The following IL12RB1 variants were observed in gnomAD, a reference collection of about 807,000 sequenced individuals.
IL12RB1 encodes the protein interleukin 12 receptor subunit beta 1, also known as interleukin-12 receptor subunit beta-1.
Under a neutral mutation model 94.4 loss-of-function variants are expected in IL12RB1, and 64 were observed. That is an observed-to-expected ratio of 0.68 (90% CI 0.55 to 0.83). IL12RB1 has a LOEUF of 0.83. Among genes scored for constraint, IL12RB1 ranks in the 40% least tolerant of loss-of-function variants. The pLI, the probability that IL12RB1 is intolerant of heterozygous loss-of-function variation, is 0.00. For synonymous variants in IL12RB1, 362 were observed against 355.5 expected (o/e 1.02, Z -0.21); for missense variants, 814 against 855.6 (o/e 0.95, Z 0.61).
Position 18,077,525 on chromosome 19 carries a change from T to G in IL12RB1, c.540A>C (p.Pro180=). ...TGGGAAACAAACTCACCAACTTCCATGGGCTGCTGGGTGTCCGGTGCCGGA... is the reference window on the plus strand; with the variant it reads ...TGGGAAACAAACTCACCAACTTCCAGGGGCTGCTGGGTGTCCGGTGCCGGA... ...VQFRHRTPSS[P]WKLGDCGPQD... Residue 180 remains proline (P), a synonymous_variant, in exon 5 of 17, where the codon CCA becomes CCC. Coordinates refer to ENST00000593993, the MANE Select transcript of IL12RB1 (RefSeq NM_005535.3). The G allele has an allele frequency of 6.2e-7, 1 of 1,610,716 alleles. No homozygotes were observed. The highest frequency in any genetic ancestry group is 8.5e-7 in the Non-Finnish European group (1 of 1,178,236).
At chr19:18,066,835 T>G in intron 11 of IL12RB1, 138 bp from the exon 12 acceptor site, 1 of 656,362 alleles carries the variant, frequency 1.5e-6, no homozygotes, top group Non-Finnish European at 2.7e-6. Context: ...AAGACCAGCC[T>G]GGCCAACATG....
At chr19:18,092,112 A>T (rs1318235229) in intron 1 of IL12RB1, among the ~76,000 whole-genome samples, 1 of 150,384 alleles carries the variant, frequency 6.6e-6, no homozygotes, top group African/African-American at 2.4e-5. Flanking sequence ...CCTGACCTTA[A>T]GTGATCTGCT....
intron 13 of IL12RB1, among the ~76,000 whole-genome samples, chr19:18,062,772 C>T (rs1436402016): frequency 1.3e-5 from 2 of 151,724 alleles, no homozygotes; most frequent in African/African-American, 2.4e-5. Flanking sequence ...AAATCTGTCT[C>T]AAAAAGATAA....
At chr19:18,077,827 A>T (rs2035599922) in intron 4 of IL12RB1, among the ~76,000 whole-genome samples, 172 bp from the exon 5 acceptor site, 1 of 152,210 alleles carries the variant, frequency 6.6e-6, no homozygotes, top group Admixed American at 6.5e-5. Context: ...CAAGATTTAT[A>T]CACAAGCCAC....
intron 12 of IL12RB1, among the ~76,000 whole-genome samples, chr19:18,064,770 G>A (rs1295572342): frequency 6.6e-6 from 1 of 152,102 alleles, no homozygotes; most frequent in Non-Finnish European, 1.5e-5. Flanking sequence ...CACCGCGTCC[G>A]GCTGACTTGT....
Position 18,080,809 on chromosome 19 carries a change from C to T in IL12RB1, c.409+23G>A, listed in dbSNP as rs17879764. On this transcript the variant is annotated intron_variant, in intron 4 of 16. Coordinates refer to ENST00000593993, the MANE Select transcript of IL12RB1 (RefSeq NM_005535.3). ...ATGGCCTCTCTGGGTAAAAAACGGA[C>T]GGGGGGAGAACAAGGTGCTAACCTG... 2.2e-3 allele frequency: 3,483 copies of T among 1,552,802 alleles called. 90 individuals carry two copies. The African/African-American group carries it at 0.041, about 18-fold the overall frequency.
intron 14 of IL12RB1, among the ~76,000 whole-genome samples, chr19:18,061,936 T>A (rs2146090821): frequency 6.6e-6 from 1 of 152,076 alleles, no homozygotes; most frequent in South Asian, 2.1e-4. Flanking sequence ...AAAGTAAGTA[T>A]AAATCTGACT....
Position 18,080,987 on chromosome 19 carries a change from C to A in IL12RB1, c.254G>T (p.Arg85Leu), listed in dbSNP as rs754415781. 15 of 1,612,358 alleles carry A rather than the reference C, an allele frequency of 9.3e-6. No homozygotes were observed. The highest frequency in any genetic ancestry group is 1.2e-5 in the Non-Finnish European group (14 of 1,179,824). ...HFLRCCLSSG[R>L]CCYFAAGSAT... ...TGAGCCGGCGGCGAAGTAGCAGCAG[C>A]GCCCGGAGCTAAGGCTGCAGCAGGA... is the stretch of plus-strand genomic sequence containing the variant. Residue 85 changes from arginine to leucine, a missense_variant, in exon 4 of 17, where the codon CGC (arginine) becomes CTC (leucine). By Grantham distance (102) the Arg-to-Leu change is moderately radical (BLOSUM62 -2). Transcript: ENST00000593993.
chr19:18,089,030 CA>C (rs566600686), upstream of IL12RB1, among the ~76,000 whole-genome samples: 176 of 79,188 alleles, frequency 2.2e-3, 1 homozygote, highest in Non-Finnish European at 3.3e-3. Flanking sequence ...GACTCCATCT[CA>C]AAAAAAAAAA....
rs150172855 is a variant in IL12RB1 at position 18,086,803 on chromosome 19, C to T, written c.21G>A (p.Trp7Ter). The T allele has an allele frequency of 1.9e-6, 3 of 1,611,780 alleles. No homozygotes were observed. The highest frequency in any genetic ancestry group is 1.7e-6 in the Non-Finnish European group (2 of 1,179,382). MEPLVT[W>*]VVPLLFLFLL... ...GGAAGAGGAAGAGGAGGGGGACCAC[C>T]CAGGTCACCAGCGGCTCCATCGGAT... is the stretch of plus-strand genomic sequence containing the variant. The change falls in exon 1 of 17, where the codon TGG (tryptophan) becomes TGA (stop). Residue 7 changes from tryptophan (W) to a stop codon, truncating the protein, a stop_gained. Transcript: ENST00000593993. LOFTEE classifies it high-confidence loss of function.
chr19:18,073,415 A>C, intron 8 of IL12RB1, 102 bp downstream of exon 8: 1 of 772,602 alleles, frequency 1.3e-6, no homozygotes, highest in South Asian at 1.4e-5. Context: ...CCACCTCTAC[A>C]TCTCATCTCC....
chr19:18,068,741 C>T (rs2034785766), intron 10 of IL12RB1, among the ~76,000 whole-genome samples: 1 of 147,606 alleles, frequency 6.8e-6, no homozygotes, highest in Admixed American at 6.8e-5. Context: ...CTCCATGGAA[C>T]CAGGGCTTCT....
In IL12RB1 at chr19:18,075,884, T is replaced by C; in HGVS notation, c.581-16A>G. On this transcript the variant is annotated splice_polypyrimidine_tract_variant and intron_variant, in intron 6 of 16. Coordinates refer to ENST00000593993, the MANE Select transcript of IL12RB1 (RefSeq NM_005535.3). The stretch of plus-strand genomic sequence containing the variant: ...AGGCAGGACTCTGGGGAGAGGCAGG[T>C]CGAACATCAGGCCGTAAGAATTGTC... 2 of 1,612,248 alleles carry C rather than the reference T, an allele frequency of 1.2e-6. No individual in the cohort carries two copies. The highest frequency in any genetic ancestry group is 1.7e-6 in the Non-Finnish European group (2 of 1,178,614).
At chr19:18,064,677 T>C (rs17881975) in intron 12 of IL12RB1, among the ~76,000 whole-genome samples, 182 of 152,066 alleles carry the variant, frequency 1.2e-3, no homozygotes, top group African/African-American at 4.4e-3. Flanking sequence ...TTTCACCATG[T>C]TGGCCAGGCT....
At chr19:18,064,281 A>G (rs1368254377) in intron 12 of IL12RB1, among the ~76,000 whole-genome samples, 1 of 150,524 alleles carries the variant, frequency 6.6e-6, no homozygotes, top group Admixed American at 6.7e-5. Flanking sequence ...CTGAGACTAC[A>G]GGCGCCCGCC....
At chr19:18,074,389 C>A (rs2035293334) in intron 7 of IL12RB1, among the ~76,000 whole-genome samples, 1 of 152,136 alleles carries the variant, frequency 6.6e-6, no homozygotes, top group Non-Finnish European at 1.5e-5. Context: ...GTACACCCTG[C>A]CACCTGCAGG....
At chr19:18,078,683 T>G (rs969215784) in intron 4 of IL12RB1, among the ~76,000 whole-genome samples, 15 of 151,988 alleles carry the variant, frequency 9.9e-5, no homozygotes, top group African/African-American at 2.6e-4. Flanking sequence ...CCAATTCTTT[T>G]TTTGTTTGTT....
At chr19:18,084,650 TATCCATCCAGCCATCC>T (rs2146465001) in intron 1 of IL12RB1, among the ~76,000 whole-genome samples, 1 of 128,888 alleles carries the variant, frequency 7.8e-6, no homozygotes, top group South Asian at 2.6e-4. Flanking sequence ...CCTACCGATA[TATCCATCCAGCCATCC>T]ATCCATCCAT....
At chr19:18,064,381 T>A (rs2034415784) in intron 12 of IL12RB1, among the ~76,000 whole-genome samples, 1 of 151,776 alleles carries the variant, frequency 6.6e-6, no homozygotes, top group Non-Finnish European at 1.5e-5. Context: ...CCTCGTGATC[T>A]GCCCACCTCG....
Sources: allele counts gnomAD v4.1 joint callset (sites outside exome capture counted in the v4.1 genomes callset), GRCh38; gene constraint gnomAD v4.1.1; transcripts MANE v1.5; gene names NCBI Gene and HGNC (gene_info 2026-07-23, HGNC 2026-07-21).